STK32B: variants seen among roughly 807,000 people sequenced by gnomAD.
The protein encoded by STK32B is serine/threonine kinase 32B.
Under a neutral mutation model 52.6 loss-of-function variants are expected in STK32B, and 43 were observed. The observed-to-expected ratio is 0.82, with a 90% CI of 0.64 to 1.05. The LOEUF (loss-of-function observed/expected upper bound fraction) is 1.05, where lower values mean the gene tolerates loss of function less well. STK32B is among the 50% of genes least tolerant of loss of function. The pLI, the probability that STK32B is intolerant of heterozygous loss-of-function variation, is 0.00. For missense variants in STK32B, 621 were observed against 534.6 expected (o/e 1.16, Z -1.59); for synonymous variants, 238 against 204.3 (o/e 1.17, Z -1.41).
chr4:5,342,321 C>T lies in STK32B; in HGVS notation c.434+10928C>T, dbSNP rs1577372150. Among the ~76,000 whole-genome samples the T allele has an allele frequency of 2.0e-5, 3 of 152,206 alleles. 1 individual carries two copies. In the South Asian group the frequency reaches 6.2e-4, roughly 32 times the overall value. ...AACCCAAATATCCATCAATGGTAGA[C>T]TGGATTAAGAAAATGTGGCACATAT... On this transcript the variant is annotated intron_variant, in intron 4 of 11. Coordinates refer to ENST00000282908, the MANE Select transcript of STK32B (RefSeq NM_018401.3).
At chr4:5,450,088 C>T (rs908164488) in intron 7 of STK32B, among the ~76,000 whole-genome samples, 2 of 152,168 alleles carry the variant, frequency 1.3e-5, no homozygotes, top group African/African-American at 4.8e-5. Context: ...ATCACTGATG[C>T]AGAGAACCCT....
At chr4:5,274,005 CAAA>C in intron 3 of STK32B, among the ~76,000 whole-genome samples, 1 of 151,382 alleles carries the variant, frequency 6.6e-6, no homozygotes, top group East Asian at 1.9e-4. Flanking sequence ...AAAAAAGAAA[CAAA>C]AAAACAAAAC....
the STK32B span, among the ~76,000 whole-genome samples, chr4:5,040,718 G>C: frequency 6.6e-6 from 1 of 152,060 alleles, no homozygotes; most frequent in African/African-American, 2.4e-5. Context: ...CCTGTCTCCT[G>C]CCCTGTAGGC....
intron 1 of STK32B, among the ~76,000 whole-genome samples, chr4:5,067,522 A>G (rs1742470350): frequency 6.6e-6 from 1 of 152,232 alleles, no homozygotes; most frequent in African/African-American, 2.4e-5. Flanking sequence ...TATAAAGGTT[A>G]CAGGTTCCTT....
At chr4:5,339,709 T>C (rs1161881521) in intron 4 of STK32B, among the ~76,000 whole-genome samples, 2 of 152,220 alleles carry the variant, frequency 1.3e-5, no homozygotes, top group Admixed American at 6.5e-5. Context: ...TTCCATCTCA[T>C]TGGGCTTAGG....
At chr4:5,446,818 G>GT (rs759582631) in intron 7 of STK32B, 42 bp downstream of exon 7, 2 of 1,596,600 alleles carry the variant, frequency 1.3e-6, no homozygotes, top group Non-Finnish European at 1.7e-6. Context: ...GGGCTGTGCA[G>GT]TGGGGGCTCA....
At chr4:5,217,892 G>A (rs16836902) in intron 3 of STK32B, among the ~76,000 whole-genome samples, 19,530 of 152,202 alleles carry the variant, frequency 0.13, 2,070 homozygotes, top group African/African-American at 0.27. Context: ...GAACTATAGT[G>A]TTCTCATGCG....
chr4:5,436,264 C>T (rs192421534), intron 6 of STK32B, among the ~76,000 whole-genome samples: 1 of 152,214 alleles, frequency 6.6e-6, no homozygotes. Context: ...CAAAGCACAT[C>T]AGCACACGAA....
At chr4:5,275,232 T>G (rs922271784) in intron 3 of STK32B, among the ~76,000 whole-genome samples, 1 of 152,204 alleles carries the variant, frequency 6.6e-6, no homozygotes, top group East Asian at 1.9e-4. Flanking sequence ...TAAGTGATGA[T>G]GTAGATTCAA....
Position 5,431,789 on chromosome 4 carries a change from T to C in STK32B, c.562+14855T>C, listed in dbSNP as rs945970751. Among the ~76,000 whole-genome samples, 3 of 152,300 alleles carry C rather than the reference T, an allele frequency of 2.0e-5. 1 individual carries two copies. In the South Asian group the frequency reaches 6.2e-4, roughly 32 times the overall value. On this transcript the variant is annotated intron_variant, in intron 6 of 11. Coordinates refer to ENST00000282908, the MANE Select transcript of STK32B (RefSeq NM_018401.3). ...GAAATTATCAGACTGATGCAGTGGT[T>C]TCATGTTATCTCAAATTAATATGTA... is the stretch of plus-strand genomic sequence containing the variant.
At chr4:5,425,526 A>G (rs1298854835) in intron 6 of STK32B, among the ~76,000 whole-genome samples, 3 of 152,192 alleles carry the variant, frequency 2.0e-5, no homozygotes, top group Non-Finnish European at 4.4e-5. Flanking sequence ...GCACTGTTCT[A>G]TGGACTGAAA....
chr4:5,316,960 A>T (rs1484487654), intron 3 of STK32B, among the ~76,000 whole-genome samples: 8 of 24,098 alleles, frequency 3.3e-4, no homozygotes, highest in South Asian at 3.1e-3. Flanking sequence ...GTATGATATA[A>T]TATATATAAT....
At chr4:5,316,139 A>G (rs539257881) in intron 3 of STK32B, among the ~76,000 whole-genome samples, 3 of 98,848 alleles carry the variant, frequency 3.0e-5, no homozygotes, top group East Asian at 2.3e-4. Flanking sequence ...CAAGTTATAT[A>G]TATATATAAC....
chr4:5,195,009 C>T (rs1721527068), intron 3 of STK32B, among the ~76,000 whole-genome samples: 1 of 152,120 alleles, frequency 6.6e-6, no homozygotes, highest in Non-Finnish European at 1.5e-5. Context: ...TATAATTGAA[C>T]ATGAGATGTG....
intron 7 of STK32B, among the ~76,000 whole-genome samples, chr4:5,452,020 A>G (rs1017656887): frequency 1.3e-5 from 2 of 152,200 alleles, no homozygotes; most frequent in Non-Finnish European, 2.9e-5. Context: ...AGAGACAGGC[A>G]CGGAGAGCAG....
chr4:5,316,374 T>C (rs1306473944), intron 3 of STK32B, among the ~76,000 whole-genome samples: 1 of 38,756 alleles, frequency 2.6e-5, no homozygotes, highest in Non-Finnish European at 3.6e-5. Context: ...ATTATATATA[T>C]TAATTATATA....
At chr4:5,342,477 A>G (rs1303102803) in intron 4 of STK32B, among the ~76,000 whole-genome samples, 2 of 152,190 alleles carry the variant, frequency 1.3e-5, no homozygotes, top group African/African-American at 4.8e-5. Flanking sequence ...TTGTTTTCTC[A>G]CTCATGGTTG....
At chr4:5,312,734 CCACA>C (rs1730390258) in intron 3 of STK32B, among the ~76,000 whole-genome samples, 1 of 150,238 alleles carries the variant, frequency 6.7e-6, no homozygotes, top group Non-Finnish European at 1.5e-5. Context: ...GTGAATAGTG[CCACA>C]ATAAACATAC....
At chr4:5,132,816 C>T (rs568710087) in intron 1 of STK32B, among the ~76,000 whole-genome samples, 6 of 149,948 alleles carry the variant, frequency 4.0e-5, no homozygotes, top group Admixed American at 4.0e-4. Flanking sequence ...TTTTTTGGGA[C>T]AGAGTCTTGC....
Sources: allele counts gnomAD v4.1 joint callset (sites outside exome capture counted in the v4.1 genomes callset), GRCh38; gene constraint gnomAD v4.1.1; transcripts MANE v1.5; gene names NCBI Gene and HGNC (gene_info 2026-07-23, HGNC 2026-07-21).